The following PPM1L variants were observed in gnomAD, a reference collection of about 807,000 sequenced individuals.
The protein encoded by PPM1L is protein phosphatase, Mg2+/Mn2+ dependent 1L.
Under a neutral mutation model 31.4 loss-of-function variants are expected in PPM1L, and 13 were observed. That is an observed-to-expected ratio of 0.41 (90% CI 0.27 to 0.66). The LOEUF is 0.66. PPM1L is among the 30% of genes least tolerant of loss of function. The probability of loss-of-function intolerance (pLI) is 0.29; values close to 1 mark genes in which losing one functional copy is unlikely to be tolerated. For synonymous variants in PPM1L, 184 were observed against 175.4 expected, an observed-to-expected ratio of 1.05 and a Z score of -0.39; for missense variants, 326 against 453.7, an observed-to-expected ratio of 0.72 and a Z score of 2.56.
chr3:160,912,192 C>T (rs1713999802), intron 1 of PPM1L, among the ~76,000 whole-genome samples: 1 of 152,140 alleles, frequency 6.6e-6, no homozygotes, highest in South Asian at 2.1e-4. Flanking sequence ...CAAGCTCCGT[C>T]CTGGGCCCAG....
At chr3:160,962,974 C>CTTT (rs11430313) in intron 2 of PPM1L, among the ~76,000 whole-genome samples, 1 of 148,350 alleles carries the variant, frequency 6.7e-6, no homozygotes, top group African/African-American at 2.5e-5. Context: ...TTCTTCTTTG[C>CTTT]TTTTTTTTTT....
At chr3:160,808,383 CTGTGTGTGTG>C (rs71912617) in intron 1 of PPM1L, among the ~76,000 whole-genome samples, 2 of 110,364 alleles carry the variant, frequency 1.8e-5, no homozygotes, top group African/African-American at 3.6e-5. Context: ...CAGGATTTTC[CTGTGTGTGTG>C]TGTGTGTGTG....
At chr3:160,776,162 G>A (rs1711554077) in intron 1 of PPM1L, among the ~76,000 whole-genome samples, 1 of 152,112 alleles carries the variant, frequency 6.6e-6, no homozygotes, top group Non-Finnish European at 1.5e-5. Context: ...TGATTATGAG[G>A]AATTGGTAGA....
chr3:161,057,881 C>T (rs1719458269), intron 2 of PPM1L, among the ~76,000 whole-genome samples: 1 of 151,774 alleles, frequency 6.6e-6, no homozygotes, highest in South Asian at 2.1e-4. Context: ...CCCAGGTTCC[C>T]ATCAAAAGTA....
At chr3:160,947,212 A>G (rs1452385349) in intron 1 of PPM1L, among the ~76,000 whole-genome samples, 2 of 152,172 alleles carry the variant, frequency 1.3e-5, no homozygotes, top group Non-Finnish European at 2.9e-5. Context: ...ACAAATAGAA[A>G]GTTAGTATTG....
chr3:160,797,898 G>A (rs545901404), intron 1 of PPM1L, among the ~76,000 whole-genome samples: 1 of 152,254 alleles, frequency 6.6e-6, no homozygotes, highest in East Asian at 1.9e-4. Context: ...GTGCAAGGTG[G>A]GCCGGGCACA....
At chr3:160,800,141 A>G (rs1377841781) in intron 1 of PPM1L, among the ~76,000 whole-genome samples, 3 of 152,206 alleles carry the variant, frequency 2.0e-5, no homozygotes, top group East Asian at 1.9e-4. Flanking sequence ...TAAATTGTCT[A>G]TTATTGTTAT....
chr3:160,989,115 A>G (rs150755323), intron 2 of PPM1L, among the ~76,000 whole-genome samples: 1 of 152,294 alleles, frequency 6.6e-6, no homozygotes, highest in East Asian at 1.9e-4. Context: ...TGAAAACTGA[A>G]GAATATGAGC....
chr3:161,067,849 C>T (rs2108112096), intron 3 of PPM1L, among the ~76,000 whole-genome samples: 1 of 152,314 alleles, frequency 6.6e-6, no homozygotes, highest in African/African-American at 2.4e-5. Flanking sequence ...CCCTCATGAT[C>T]AGAACTGGAA....
chr3:160,944,702 T>A (rs552248676), intron 1 of PPM1L, among the ~76,000 whole-genome samples: 4 of 132,224 alleles, frequency 3.0e-5, no homozygotes, highest in East Asian at 2.0e-4. Flanking sequence ...AAAATTAATT[T>A]TATATATAAT....
chr3:160,841,628 G>A (rs957408355), intron 1 of PPM1L, among the ~76,000 whole-genome samples: 1 of 152,040 alleles, frequency 6.6e-6, no homozygotes, highest in Non-Finnish European at 1.5e-5. Flanking sequence ...CAGACTGCAG[G>A]GTGCAGCACA....
intron 1 of PPM1L, among the ~76,000 whole-genome samples, chr3:160,788,777 T>C (rs1712012624): frequency 6.6e-6 from 1 of 152,098 alleles, no homozygotes. Flanking sequence ...TCCAGCTTGC[T>C]ATAATAATCC....
At chr3:160,782,845 C>G (rs955118093) in intron 1 of PPM1L, among the ~76,000 whole-genome samples, 7 of 152,148 alleles carry the variant, frequency 4.6e-5, no homozygotes, top group Non-Finnish European at 8.8e-5. Flanking sequence ...AATTCTATAA[C>G]CTACTTGATT....
At position 161,072,632 on chromosome 3, in the gene PPM1L, T is replaced by C. The variant is rs1007323786; in HGVS notation, c.*3475T>C. On this transcript the variant is annotated 3_prime_UTR_variant, in exon 4 of 4. Transcript: ENST00000498165. ...TCCTTTGCGTTTAATTTCCTTTGTG[T>C]TTAATTTGACCACAGAAACTTTTTT... 2 of 152,206 alleles carry C rather than the reference T, an allele frequency of 1.3e-5. No homozygotes were observed. Among genetic ancestry groups the C allele is most frequent in the Non-Finnish European group, 2.9e-5 (2 of 68,030 alleles). 9.4% of individuals were successfully genotyped at this position (152,206 alleles called of 1,614,324 possible).
chr3:160,865,582 C>T (rs1175441013), intron 1 of PPM1L, among the ~76,000 whole-genome samples: 1 of 152,148 alleles, frequency 6.6e-6, no homozygotes, highest in African/African-American at 2.4e-5. Context: ...CGAGACCATC[C>T]TGGCCAACAT....
chr3:160,954,675 TTTA>T (rs1380874100), intron 1 of PPM1L, among the ~76,000 whole-genome samples: 1 of 152,158 alleles, frequency 6.6e-6, no homozygotes, highest in Non-Finnish European at 1.5e-5. Flanking sequence ...TAATCTGCTT[TTTA>T]TTATGAATAT....
intron 1 of PPM1L, among the ~76,000 whole-genome samples, chr3:160,919,635 A>G (rs772886713): frequency 9.2e-5 from 14 of 152,200 alleles, no homozygotes; most frequent in Admixed American, 1.3e-4. Context: ...AGTCTAATAT[A>G]TATAGTTATA....
At chr3:161,043,263 C>T (rs1340838476) in intron 2 of PPM1L, among the ~76,000 whole-genome samples, 1 of 152,010 alleles carries the variant, frequency 6.6e-6, no homozygotes, top group Non-Finnish European at 1.5e-5. Context: ...CCTTGCAGTG[C>T]TCTTATTTTT....
At chr3:161,064,200 A>C (rs997006507) in intron 2 of PPM1L, among the ~76,000 whole-genome samples, 3 of 151,610 alleles carry the variant, frequency 2.0e-5, no homozygotes, top group African/African-American at 4.8e-5. Flanking sequence ...AAAAAAAAAA[A>C]GAATTCAGTG....
Sources: allele counts gnomAD v4.1 joint callset (sites outside exome capture counted in the v4.1 genomes callset), GRCh38; gene constraint gnomAD v4.1.1; transcripts MANE v1.5; gene names NCBI Gene and HGNC (gene_info 2026-07-23, HGNC 2026-07-21).